Variants in HAAO observed in about 807,000 individuals in gnomAD.
The protein encoded by HAAO is 3-hydroxyanthranilate oxygenase.
In HAAO, 49 loss-of-function variants were observed where a neutral mutation model predicts 46.2. The observed-to-expected ratio is 1.06, with a 90% CI of 0.84 to 1.34. The LOEUF (loss-of-function observed/expected upper bound fraction) is 1.34. Among genes scored for constraint, HAAO ranks in the 40% most tolerant of loss-of-function variants. HAAO has a pLI of 0.00. For missense variants in HAAO, 408 were observed against 364.5 expected (o/e 1.12, Z -0.97); for synonymous variants, 157 against 145.2 (o/e 1.08, Z -0.58).
intron 7 of HAAO, among the ~76,000 whole-genome samples, chr2:42,768,650 C>T (rs1259433923): frequency 6.6e-6 from 1 of 152,202 alleles, no homozygotes; most frequent in Non-Finnish European, 1.5e-5. Flanking sequence ...AGCCGTAAAG[C>T]ACAAGTGAAC....
At position 42,783,327 on chromosome 2, in the gene HAAO, G is replaced by C. The variant is rs780731532; in HGVS notation, c.337C>G (p.Leu113Val). 5.4e-5 allele frequency: 87 copies of C among 1,607,626 alleles called. No homozygotes were observed. Among genetic ancestry groups the C allele is most frequent in the Non-Finnish European group, 6.5e-5 (76 of 1,175,280 alleles). Reference sequence around the variant, plus strand: ...GACAGAATTTACCTGAGCCCATCTAGCTCGGTCTCCAGCCGCCTTCGCTCA... The same window carrying C: ...GACAGAATTTACCTGAGCCCATCTACCTCGGTCTCCAGCCGCCTTCGCTCA... Reference protein sequence around the residue: ...VVERRRLETELDGLRYYVGDT... With the variant: ...VVERRRLETEVDGLRYYVGDT... The change falls in exon 4 of 10, where the codon CTA becomes GTA. Residue 113 changes from leucine to valine, a missense_variant. Leu to Val is a conservative substitution (Grantham distance 32). Transcript: ENST00000294973.
In HAAO at chr2:42,783,324, C is replaced by T. The variant is rs1573942691; in HGVS notation, c.340G>A (p.Asp114Asn). 1 of 1,607,040 alleles carries T rather than the reference C, an allele frequency of 6.2e-7. No individual in the cohort carries two copies. The highest frequency in any genetic ancestry group is 8.5e-7 in the Non-Finnish European group (1 of 1,174,702). The part of the protein sequence containing the change: ...VERRRLETEL[D>N]GLRYYVGDTM... ...CCAGACAGAATTTACCTGAGCCCAT[C>T]TAGCTCGGTCTCCAGCCGCCTTCGC... Residue 114 changes from aspartate (D) to asparagine (N), a missense_variant, in exon 4 of 10, where the codon GAT (aspartate) becomes AAT (asparagine). Asp to Asn is a conservative substitution (Grantham distance 23). Transcript: ENST00000294973.
chr2:42,770,377 A>C (rs1016433617), intron 5 of HAAO, 116 bp downstream of exon 5: 8 of 927,086 alleles, frequency 8.6e-6, no homozygotes, highest in Non-Finnish European at 1.3e-5. Flanking sequence ...CCGGCCTGGC[A>C]GTGGGCTCTC....
intron 4 of HAAO, among the ~76,000 whole-genome samples, chr2:42,779,819 T>G (rs1305475986): frequency 6.6e-6 from 1 of 152,244 alleles, no homozygotes; most frequent in Non-Finnish European, 1.5e-5. Context: ...TTTTCTGACC[T>G]AATTAATCTG....
At chr2:42,774,782 A>C (rs563624662) in intron 4 of HAAO, among the ~76,000 whole-genome samples, 1 of 130,606 alleles carries the variant, frequency 7.7e-6, no homozygotes, top group South Asian at 2.5e-4. Flanking sequence ...GTTTTGCTTC[A>C]CTGTTTGTTG....
rs1413287614 is a variant in HAAO at position 42,770,512 on chromosome 2, A to T, written c.421T>A (p.Leu141Met). The T allele has an allele frequency of 4.5e-6, 7 of 1,552,062 alleles. No homozygotes were observed. The highest frequency in any genetic ancestry group is 6.1e-6 in the Non-Finnish European group (7 of 1,147,132). The change falls in exon 5 of 10, where the codon TTG becomes ATG. Residue 141 changes from leucine (L) to methionine (M), a missense_variant. By Grantham distance (15) the Leu-to-Met change is conservative (BLOSUM62 2). Coordinates refer to ENST00000294973, the MANE Select transcript of HAAO (RefSeq NM_012205.3). ...GCTCACTCCTGGATGATGGGGGCCA[A>T]CTGCGTGCCGAGGTCCTTGCAGTAG... Reference protein sequence around the residue: ...WFYCKDLGTQLAPIIQEFFSS... With the variant: ...WFYCKDLGTQMAPIIQEFFSS...
At chr2:42,776,367 T>C (rs1671579154) in intron 4 of HAAO, among the ~76,000 whole-genome samples, 1 of 151,510 alleles carries the variant, frequency 6.6e-6, no homozygotes. Flanking sequence ...GCTTCCCTAG[T>C]AGCTGAGATT....
rs775590116 is a variant in HAAO, at chr2:42,767,528, A to C, written c.783-13T>G. The stretch of plus-strand genomic sequence containing the variant: ...CTCCCAGGCATACCTGTGGACACAC[A>C]GATGAGCAGGGATCACACAGAGTTG... On this transcript the variant is annotated splice_polypyrimidine_tract_variant and intron_variant, in intron 9 of 9. Transcript: ENST00000294973. 6.2e-7 allele frequency: 1 copy of C among 1,608,040 alleles called. No individual in the cohort carries two copies. Among genetic ancestry groups the C allele is most frequent in the South Asian group, 1.1e-5 (1 of 89,960 alleles).
rs547609078 is a variant in HAAO at position 42,769,649 on chromosome 2, G to A, written c.630+64C>T. On this transcript the variant is annotated intron_variant, in intron 7 of 9. Coordinates refer to ENST00000294973, the MANE Select transcript of HAAO (RefSeq NM_012205.3). ...AGAGAGAGAGAGGCAGTGAGAGAGA[G>A]ACTGGTTCCCATTTTCCAGGGCTGC... 237 of 1,422,682 alleles carry A rather than the reference G, an allele frequency of 1.7e-4. 1 individual carries two copies. In the East Asian group the frequency reaches 5.2e-3, roughly 31 times the overall value. 88.1% of individuals were successfully genotyped at this position (1,422,682 alleles called of 1,614,324 possible).
intron 1 of HAAO, among the ~76,000 whole-genome samples, chr2:42,790,810 G>A (rs542001694): frequency 1.3e-5 from 2 of 152,294 alleles, no homozygotes; most frequent in African/African-American, 2.4e-5. Flanking sequence ...GGGATTACAG[G>A]CATGAGCCAC....
chr2:42,792,154 T>C (rs1167359422), intron 1 of HAAO, among the ~76,000 whole-genome samples: 1 of 152,096 alleles, frequency 6.6e-6, no homozygotes, highest in African/African-American at 2.4e-5. Flanking sequence ...ACAGTGTCAC[T>C]TGGGGTTGGA....
At position 42,791,331 on chromosome 2, in the gene HAAO, G is replaced by C. The variant is rs956771788; in HGVS notation, c.80+1126C>G. Among the ~76,000 whole-genome samples the C allele has an allele frequency of 3.9e-5, 6 of 152,270 alleles. No individual in the cohort carries two copies. The South Asian group carries it at 1.2e-3, about 32-fold the overall frequency. On this transcript the variant is annotated intron_variant, in intron 1 of 9. Coordinates refer to ENST00000294973, the MANE Select transcript of HAAO (RefSeq NM_012205.3). ...TAGGGAGAGGCCCGGGCAGATGGAC[G>C]CGAGACCTCAGGGGGAGCGAAGGGA...
chr2:42,783,743 GC>G (rs758481100), intron 3 of HAAO, 40 bp downstream of exon 3: 3 of 1,541,134 alleles, frequency 1.9e-6, no homozygotes, highest in Admixed American at 1.7e-5. Flanking sequence ...TCCAGCTGTG[GC>G]CGCCTTTCTC....
intron 5 of HAAO, 124 bp downstream of exon 5, chr2:42,770,369 G>A (rs1259567008): frequency 2.1e-5 from 19 of 904,250 alleles, no homozygotes; most frequent in East Asian, 5.3e-5. Context: ...CCCTCCCCCC[G>A]GCCTGGCAGT....
chr2:42,777,471 G>C (rs941257844), intron 4 of HAAO, among the ~76,000 whole-genome samples: 2 of 152,042 alleles, frequency 1.3e-5, no homozygotes, highest in African/African-American at 4.8e-5. Context: ...AATATAAAAA[G>C]GGGCTCTAAT....
intron 5 of HAAO, 79 bp from the exon 6 acceptor site, chr2:42,770,265 T>A: frequency 8.0e-7 from 1 of 1,244,338 alleles, no homozygotes; most frequent in Non-Finnish European, 1.2e-6. Context: ...TACACCACAC[T>A]CACGGTCAGG....
At chr2:42,771,444 TA>T (rs112130512) in intron 4 of HAAO, among the ~76,000 whole-genome samples, 52,032 of 124,610 alleles carry the variant, frequency 0.42, 10,293 homozygotes, top group African/African-American at 0.54. Flanking sequence ...AATAAATAAG[TA>T]AAAAAAAAAA....
At chr2:42,786,983 G>A (rs892406091) in intron 2 of HAAO, among the ~76,000 whole-genome samples, 1 of 152,150 alleles carries the variant, frequency 6.6e-6, no homozygotes, top group African/African-American at 2.4e-5. Context: ...CAGGGACAGA[G>A]AGGAGGCCGA....
At chr2:42,768,990 T>C (rs1395236207) in intron 7 of HAAO, among the ~76,000 whole-genome samples, 2 of 152,176 alleles carry the variant, frequency 1.3e-5, no homozygotes, top group African/African-American at 4.8e-5. Context: ...CACCTCCCTT[T>C]CTTTCTTTTA....
Sources: allele counts gnomAD v4.1 joint callset (sites outside exome capture counted in the v4.1 genomes callset), GRCh38; gene constraint gnomAD v4.1.1; transcripts MANE v1.5; gene names NCBI Gene and HGNC (gene_info 2026-07-23, HGNC 2026-07-21).